The following KLF12 variants were observed in gnomAD, a reference collection of about 807,000 sequenced individuals.
KLF12 encodes the protein Krueppel-like factor 12.
In KLF12, 9 loss-of-function variants were observed where a neutral mutation model predicts 37.8. The ratio of observed to expected loss-of-function variants is 0.24; its 90% CI spans 0.14 to 0.42. The LOEUF (loss-of-function observed/expected upper bound fraction) is 0.42. Among genes scored for constraint, KLF12 ranks in the 10% least tolerant of loss-of-function variants. KLF12 has a pLI of 1.00. For missense variants in KLF12, 411 were observed against 516.0 expected, an observed-to-expected ratio of 0.80 and a Z score of 1.97; for synonymous variants, 208 against 202.1, an observed-to-expected ratio of 1.03 and a Z score of -0.25.
intron 4 of KLF12, among the ~76,000 whole-genome samples, chr13:73,835,825 TATTTC>T (rs1312466799): frequency 3.3e-5 from 5 of 152,220 alleles, no homozygotes; most frequent in African/African-American, 9.6e-5. Context: ...TACTCCATTC[TATTTC>T]ATTTCTTTAA....
intron 1 of KLF12, among the ~76,000 whole-genome samples, chr13:74,026,275 T>C (rs1279868124): frequency 6.6e-6 from 1 of 152,136 alleles, no homozygotes; most frequent in Non-Finnish European, 1.5e-5. Context: ...AAAAAATCAG[T>C]TATTTCATTT....
At chr13:73,886,371 C>T (rs932906655) in intron 3 of KLF12, among the ~76,000 whole-genome samples, 2 of 152,108 alleles carry the variant, frequency 1.3e-5, no homozygotes, top group Admixed American at 1.3e-4. Flanking sequence ...AATCTGTGCT[C>T]AGTAGAAACC....
intron 3 of KLF12, among the ~76,000 whole-genome samples, chr13:73,852,140 A>G (rs1209410258): frequency 6.6e-6 from 1 of 152,126 alleles, no homozygotes; most frequent in African/African-American, 2.4e-5. Context: ...AGGGAAGCCT[A>G]TTTTTCAATA....
At chr13:73,921,486 C>G (rs1426697058) in intron 3 of KLF12, among the ~76,000 whole-genome samples, 1 of 152,056 alleles carries the variant, frequency 6.6e-6, no homozygotes, top group African/African-American at 2.4e-5. Flanking sequence ...TTTTCATTAT[C>G]TGTGTATACT....
At chr13:74,119,485 A>T (rs1877499485) in intron 1 of KLF12, among the ~76,000 whole-genome samples, 1 of 152,220 alleles carries the variant, frequency 6.6e-6, no homozygotes, top group Admixed American at 6.5e-5. Flanking sequence ...AAAAGAATCT[A>T]GAGGAAAGGG....
chr13:73,710,378 C>CTGTGTGTGTG (rs59799453), intron 7 of KLF12, among the ~76,000 whole-genome samples: 7 of 143,896 alleles, frequency 4.9e-5, no homozygotes, highest in South Asian at 2.3e-4. Flanking sequence ...AAGATATTGT[C>CTGTGTGTGTG]TGTGTGTGTG....
the KLF12 span, among the ~76,000 whole-genome samples, chr13:74,190,296 G>A: frequency 6.6e-6 from 1 of 152,042 alleles, no homozygotes; most frequent in African/African-American, 2.4e-5. Context: ...TTTAAATTTG[G>A]AGTTTATATC....
chr13:74,240,135 C>A, the KLF12 span, among the ~76,000 whole-genome samples: 1 of 151,812 alleles, frequency 6.6e-6, no homozygotes, highest in Admixed American at 6.6e-5. Flanking sequence ...GTAAGGCAGG[C>A]CTGGTGGTGA....
At chr13:73,838,208 C>G (rs191575618) in intron 4 of KLF12, among the ~76,000 whole-genome samples, 2 of 152,252 alleles carry the variant, frequency 1.3e-5, no homozygotes, top group African/African-American at 4.8e-5. Context: ...TATTTTCTTT[C>G]ACAAATATAA....
chr13:73,868,820 CA>C (rs1443339030), intron 3 of KLF12, among the ~76,000 whole-genome samples: 1 of 152,164 alleles, frequency 6.6e-6, no homozygotes, highest in African/African-American at 2.4e-5. Context: ...CCAAATCTGA[CA>C]CAAACTCTTC....
chr13:74,183,140 T>G, the KLF12 span, among the ~76,000 whole-genome samples: 1 of 152,208 alleles, frequency 6.6e-6, no homozygotes, highest in African/African-American at 2.4e-5. Flanking sequence ...TGAATAGTAT[T>G]GATTAATTGA....
At chr13:73,962,901 C>T (rs1040891340) in intron 2 of KLF12, among the ~76,000 whole-genome samples, 4 of 152,154 alleles carry the variant, frequency 2.6e-5, no homozygotes, top group African/African-American at 7.2e-5. Flanking sequence ...TAGCAAGGTG[C>T]TATCTCAAGA....
chr13:74,155,839 G>T, the KLF12 span, among the ~76,000 whole-genome samples: 1 of 152,000 alleles, frequency 6.6e-6, no homozygotes, highest in African/African-American at 2.4e-5. Context: ...TTGTTTTTGT[G>T]TCATCCTGGT....
At chr13:74,240,257 T>C in the KLF12 span, among the ~76,000 whole-genome samples, 1 of 145,914 alleles carries the variant, frequency 6.9e-6, no homozygotes, top group Non-Finnish European at 1.5e-5. Flanking sequence ...TCTTTAAGAA[T>C]GTTGAATATT....
At chr13:74,049,746 A>G (rs1872785623) in intron 1 of KLF12, among the ~76,000 whole-genome samples, 1 of 152,144 alleles carries the variant, frequency 6.6e-6, no homozygotes, top group African/African-American at 2.4e-5. Flanking sequence ...GAGAGAAGAG[A>G]GAAAATGGAG....
intron 3 of KLF12, among the ~76,000 whole-genome samples, chr13:73,871,187 G>C (rs958670420): frequency 6.6e-6 from 1 of 152,122 alleles, no homozygotes; most frequent in Non-Finnish European, 1.5e-5. Context: ...TTGCAGAGTC[G>C]AGTTACTAGT....
chr13:74,230,180 G>A, the KLF12 span, among the ~76,000 whole-genome samples: 2 of 152,100 alleles, frequency 1.3e-5, no homozygotes, highest in Non-Finnish European at 2.9e-5. Flanking sequence ...TGCTATTCTT[G>A]TGATAGTAAG....
the KLF12 span, among the ~76,000 whole-genome samples, chr13:74,175,041 C>G: frequency 5.9e-5 from 9 of 152,184 alleles, no homozygotes; most frequent in African/African-American, 1.7e-4. Context: ...GCAGATGCCA[C>G]AAGCATGGAG....
chr13:74,203,213 A>T, the KLF12 span, among the ~76,000 whole-genome samples: 1 of 152,042 alleles, frequency 6.6e-6, no homozygotes, highest in East Asian at 1.9e-4. Context: ...GCTGCTACAA[A>T]TCTGGAGCTG....
Sources: allele counts gnomAD v4.1 joint callset (sites outside exome capture counted in the v4.1 genomes callset), GRCh38; gene constraint gnomAD v4.1.1; transcripts MANE v1.5; gene names NCBI Gene and HGNC (gene_info 2026-07-23, HGNC 2026-07-21).